POGZ: variants seen among roughly 807,000 people sequenced by gnomAD.
POGZ encodes the protein pogo transposable element with ZNF domain.
Under a neutral mutation model 134.6 loss-of-function variants are expected in POGZ, and 17 were observed. The observed-to-expected ratio is 0.13, with a 90% confidence interval of 0.09 to 0.19. The LOEUF is 0.19. POGZ is among the 10% of genes least tolerant of loss of function. The pLI is 1.00. For missense variants in POGZ, 1,306 were observed against 1,769.7 expected, an observed-to-expected ratio of 0.74 and a Z score of 4.70; for synonymous variants, 693 against 657.1, an observed-to-expected ratio of 1.05 and a Z score of -0.84.
chr1:151,457,154 A>C (rs1049290543), intron 1 of POGZ, among the ~76,000 whole-genome samples: 1 of 152,254 alleles, frequency 6.6e-6, no homozygotes, highest in African/African-American at 2.4e-5. Context: ...CCACTAGTTC[A>C]AGATGGGAGT....
At chr1:151,425,145 TC>T in intron 7 of POGZ, 84 bp from the exon 8 acceptor site, 1 of 726,620 alleles carries the variant, frequency 1.4e-6, no homozygotes, top group Non-Finnish European at 2.5e-6. Context: ...AGTCAAACAC[TC>T]CCTGAGAAGT....
chr1:151,412,878 C>A (rs1377327879), intron 10 of POGZ, among the ~76,000 whole-genome samples: 2 of 152,110 alleles, frequency 1.3e-5, no homozygotes, highest in Non-Finnish European at 2.9e-5. Flanking sequence ...ATCAGCTGGC[C>A]TCCAATACCT....
intron 1 of POGZ, among the ~76,000 whole-genome samples, chr1:151,446,546 G>C (rs974405685): frequency 6.6e-6 from 1 of 151,868 alleles, no homozygotes; most frequent in Non-Finnish European, 1.5e-5. Flanking sequence ...ACCTGAGGTT[G>C]AGAGTTCGAG....
intron 3 of POGZ, among the ~76,000 whole-genome samples, chr1:151,435,929 CATT>C (rs879306431): frequency 4.0e-5 from 6 of 151,080 alleles, no homozygotes; most frequent in South Asian, 2.1e-4. Flanking sequence ...CCATCATCAT[CATT>C]ATTTAGTTCC....
chr1:151,423,307 G>A (rs550857121), intron 10 of POGZ, 90 bp downstream of exon 10: 8 of 1,098,842 alleles, frequency 7.3e-6, no homozygotes, highest in African/African-American at 6.3e-5. Flanking sequence ...TTACCCACAT[G>A]TAAATAAATA....
chr1:151,418,157 G>C (rs1428838062), intron 10 of POGZ, among the ~76,000 whole-genome samples: 1 of 151,902 alleles, frequency 6.6e-6, no homozygotes, highest in Non-Finnish European at 1.5e-5. Context: ...TGGAGGTTGT[G>C]GTGAGCCAAG....
chr1:151,443,409 T>TA (rs571252388), intron 1 of POGZ, among the ~76,000 whole-genome samples: 413 of 152,220 alleles, frequency 2.7e-3, no homozygotes, highest in Non-Finnish European at 5.0e-3. Flanking sequence ...TTTAAAAAAT[T>TA]AAAGTCTGAG....
chr1:151,449,793 G>A (rs1312852993), intron 1 of POGZ, among the ~76,000 whole-genome samples: 4 of 152,132 alleles, frequency 2.6e-5, no homozygotes, highest in Non-Finnish European at 5.9e-5. Context: ...CTACTCGGGA[G>A]GCTGGGGCAG....
intron 1 of POGZ, among the ~76,000 whole-genome samples, chr1:151,454,102 T>C (rs1662481672): frequency 1.3e-5 from 2 of 152,198 alleles, no homozygotes; most frequent in African/African-American, 2.4e-5. Flanking sequence ...GAATGAAGAA[T>C]TCAGAAATGA....
chr1:151,459,457 A>T lies in POGZ; in HGVS notation c.-307T>A, dbSNP rs1269174565. 1 of 149,082 alleles carries T rather than the reference A, an allele frequency of 6.7e-6. No individual in the cohort carries two copies. Among genetic ancestry groups the T allele is most frequent in the Non-Finnish European group, 1.5e-5 (1 of 67,304 alleles). The allele number at this position is 149,082 out of a possible 1,614,324, so 9.2% of individuals were successfully genotyped here. On this transcript the variant is annotated 5_prime_UTR_variant, in exon 1 of 19. Transcript: ENST00000271715. ...GCTGGCGCGGGGGAGAGAGACGCCGACTCCCCCCACCGACCCTCTCGCCCC... is the reference window on the plus strand; with the variant it reads ...GCTGGCGCGGGGGAGAGAGACGCCGTCTCCCCCCACCGACCCTCTCGCCCC...
intron 3 of POGZ, among the ~76,000 whole-genome samples, chr1:151,431,441 A>C (rs1380776027): frequency 6.6e-6 from 1 of 152,234 alleles, no homozygotes; most frequent in African/African-American, 2.4e-5. Context: ...TTTTAAAAAG[A>C]ATATTCATCA....
chr1:151,408,986 C>T (rs999430119), intron 12 of POGZ, among the ~76,000 whole-genome samples, 158 bp from the exon 13 acceptor site: 1 of 152,114 alleles, frequency 6.6e-6, no homozygotes, highest in African/African-American at 2.4e-5. Context: ...AACATGACCA[C>T]AAAACCTACC....
chr1:151,416,317 G>T (rs926479255), intron 10 of POGZ, among the ~76,000 whole-genome samples: 1 of 151,546 alleles, frequency 6.6e-6, no homozygotes, highest in African/African-American at 2.4e-5. Flanking sequence ...AGCACTCTGG[G>T]AGGCCAAAGC....
At position 151,406,474 on chromosome 1, in the gene POGZ, T is replaced by C. The variant is rs752085892; in HGVS notation, c.2571-10A>G. On this transcript the variant is annotated splice_polypyrimidine_tract_variant and intron_variant, in intron 18 of 18. Transcript: ENST00000271715. ...ACGAGTCTGGCCATGCCTAAAGGGG[T>C]GAGGAGCAAAGAGAAGAGGAGAAAT... 1.4e-4 allele frequency: 225 copies of C among 1,554,342 alleles called. 1 individual carries two copies. The highest frequency in any genetic ancestry group is 1.9e-4 in the Non-Finnish European group (216 of 1,155,376).
At chr1:151,455,139 T>C (rs1662621536) in intron 1 of POGZ, 1 of 151,704 alleles carries the variant, frequency 6.6e-6, no homozygotes, top group Non-Finnish European at 1.5e-5. Context: ...TTTGTGAATA[T>C]GGCTTAATAT....
intron 17 of POGZ, 76 bp downstream of exon 17, chr1:151,406,835 G>A (rs563069111): frequency 8.8e-6 from 10 of 1,139,844 alleles, no homozygotes; most frequent in African/African-American, 1.5e-5. Flanking sequence ...AAGTAGGTAT[G>A]CTCCTGATGC....
chr1:151,408,624 A>G, intron 13 of POGZ, 43 bp from the exon 14 acceptor site: 2 of 1,604,136 alleles, frequency 1.2e-6, no homozygotes, highest in Non-Finnish European at 1.7e-6. Context: ...ACCCACACTA[A>G]ATTTCAGAAT....
chr1:151,425,818 T>C (rs1007015815), intron 7 of POGZ, among the ~76,000 whole-genome samples: 20 of 152,232 alleles, frequency 1.3e-4, no homozygotes, highest in African/African-American at 4.3e-4. Flanking sequence ...GCAATGAACA[T>C]AGGTGTACAA....
intron 4 of POGZ, among the ~76,000 whole-genome samples, 200 bp downstream of exon 4, chr1:151,430,462 GGGTT>G (rs1236471315): frequency 6.6e-5 from 10 of 152,096 alleles, no homozygotes; most frequent in Non-Finnish European, 1.5e-4. Flanking sequence ...AACTTCTAAG[GGGTT>G]TAAAGAAGAT....
Sources: allele counts gnomAD v4.1 joint callset (sites outside exome capture counted in the v4.1 genomes callset), GRCh38; gene constraint gnomAD v4.1.1; transcripts MANE v1.5; gene names NCBI Gene and HGNC (gene_info 2026-07-23, HGNC 2026-07-21).